Variants in CCBE1 observed in about 807,000 individuals in gnomAD.
CCBE1 encodes collagen and calcium-binding EGF domain-containing protein 1.
CCBE1 carries 37 observed loss-of-function variants against 50.0 expected under a neutral mutation model. The ratio of observed to expected loss-of-function variants is 0.74; its 90% confidence interval spans 0.57 to 0.97. The LOEUF (loss-of-function observed/expected upper bound fraction) is 0.97, where lower values mean the gene tolerates loss of function less well. CCBE1 is among the 50% of genes least tolerant of loss of function. The pLI, the probability that CCBE1 is intolerant of heterozygous loss-of-function variation, is 0.00. For synonymous variants in CCBE1, 234 were observed against 203.7 expected (o/e 1.15, Z -1.27); for missense variants, 538 against 523.8 (o/e 1.03, Z -0.26).
chr18:59,625,945 C>A (rs185273506), intron 2 of CCBE1, among the ~76,000 whole-genome samples: 1 of 152,130 alleles, frequency 6.6e-6, no homozygotes, highest in East Asian at 1.9e-4. Flanking sequence ...TCTTGGGATT[C>A]CCGGGCTCCA....
At chr18:59,572,919 C>T (rs1036727733) in intron 2 of CCBE1, among the ~76,000 whole-genome samples, 16 of 152,162 alleles carry the variant, frequency 1.1e-4, no homozygotes, top group African/African-American at 3.9e-4. Context: ...CTAGGTGTTG[C>T]TGTAAAGATA....
intron 2 of CCBE1, among the ~76,000 whole-genome samples, chr18:59,523,997 G>T (rs938668880): frequency 1.3e-5 from 2 of 152,128 alleles, no homozygotes; most frequent in Non-Finnish European, 2.9e-5. Context: ...CTCCTTTACC[G>T]AAACAAGCCT....
At position 59,633,531 on chromosome 18, in the gene CCBE1, A is replaced by G. The variant is rs192189790; in HGVS notation, c.212+63098T>C. Reference sequence around the variant, plus strand: ...CGAGAACAGAACATGGCCTTCCTCTATCATCATCTGTACATTTCATTAAGC... The same window carrying G: ...CGAGAACAGAACATGGCCTTCCTCTGTCATCATCTGTACATTTCATTAAGC... On this transcript the variant is annotated intron_variant, in intron 2 of 10. Transcript: ENST00000439986. Among the ~76,000 whole-genome samples the G allele has an allele frequency of 2.0e-5, 3 of 152,278 alleles. No homozygotes were observed. In the East Asian group the frequency reaches 5.8e-4, roughly 29 times the overall value.
At chr18:59,641,721 G>A (rs747934093) in intron 2 of CCBE1, among the ~76,000 whole-genome samples, 142 of 152,268 alleles carry the variant, frequency 9.3e-4, no homozygotes, top group Non-Finnish European at 1.7e-3. Context: ...TATTGGTAAG[G>A]AAATAGACAA....
At chr18:59,618,116 T>C (rs2053661346) in intron 2 of CCBE1, among the ~76,000 whole-genome samples, 1 of 152,166 alleles carries the variant, frequency 6.6e-6, no homozygotes, top group Non-Finnish European at 1.5e-5. Flanking sequence ...GGATTAACGT[T>C]CTATGTTAAT....
At position 59,688,226 on chromosome 18, in the gene CCBE1, C is replaced by T. The variant is rs376167086; in HGVS notation, c.212+8403G>A. ...GTGGCTCATGCCTATAATCCCAACA[C>T]TTTAGGAGGCTGAGGAGTTCAAGAC... is the stretch of plus-strand genomic sequence containing the variant. On this transcript the variant is annotated intron_variant, in intron 2 of 10. Transcript: ENST00000439986. 4 of 152,050 alleles carry T rather than the reference C, an allele frequency of 2.6e-5. No individual in the cohort carries two copies. In the East Asian group the frequency reaches 7.8e-4, roughly 30 times the overall value. 9.4% of individuals were successfully genotyped at this position (152,050 alleles called of 1,614,324 possible).
At chr18:59,483,481 G>T (rs1361553720) in intron 2 of CCBE1, among the ~76,000 whole-genome samples, 1 of 152,138 alleles carries the variant, frequency 6.6e-6, no homozygotes, top group Non-Finnish European at 1.5e-5. Flanking sequence ...TTGGATTAGG[G>T]ATGCTCAACC....
At chr18:59,473,324 G>T (rs1332900217) in intron 3 of CCBE1, among the ~76,000 whole-genome samples, 1 of 152,138 alleles carries the variant, frequency 6.6e-6, no homozygotes, top group Non-Finnish European at 1.5e-5. Context: ...CAATGCTGCT[G>T]CAGGGAAGTC....
intron 2 of CCBE1, among the ~76,000 whole-genome samples, chr18:59,516,560 G>T (rs1312114538): frequency 6.6e-6 from 1 of 152,164 alleles, no homozygotes; most frequent in African/African-American, 2.4e-5. Flanking sequence ...TGCTGAAAAG[G>T]AAAGTCCAGG....
rs1910247126 is a variant in CCBE1 at position 59,438,171 on chromosome 18, G to A, written c.952-25C>T. On this transcript the variant is annotated intron_variant, in intron 9 of 10. Coordinates refer to ENST00000439986, the MANE Select transcript of CCBE1 (RefSeq NM_133459.4). ...CCTAAAAACAGAAAGGCCAGGGTTA[G>A]CTTTCTAGAGCACATGGATATCACA... The A allele has an allele frequency of 3.1e-6, 5 of 1,612,048 alleles. No individual in the cohort carries two copies. The Admixed American group carries it at 8.3e-5, about 27-fold the overall frequency.
intron 2 of CCBE1, among the ~76,000 whole-genome samples, chr18:59,657,446 A>G (rs1164814569): frequency 6.6e-6 from 1 of 152,258 alleles, no homozygotes; most frequent in Admixed American, 6.5e-5. Flanking sequence ...GCAGGGCCCT[A>G]TGCAGTTTTC....
chr18:59,660,650 G>C (rs1290913758), intron 2 of CCBE1, among the ~76,000 whole-genome samples: 4 of 151,600 alleles, frequency 2.6e-5, no homozygotes, highest in Non-Finnish European at 5.9e-5. Context: ...CCTGATAGAG[G>C]GATTTATAGA....
chr18:59,655,119 C>T (rs1260258283), intron 2 of CCBE1, among the ~76,000 whole-genome samples: 1 of 150,292 alleles, frequency 6.7e-6, no homozygotes, highest in Non-Finnish European at 1.5e-5. Context: ...AAAACCTCAA[C>T]AGCCATGACC....
rs138689751 is a variant in CCBE1 at position 59,524,367 on chromosome 18, T to C, written c.213-44129A>G. Among the ~76,000 whole-genome samples the C allele has an allele frequency of 1.6e-4, 24 of 152,236 alleles. No homozygotes were observed. The East Asian group carries it at 4.4e-3, about 28-fold the overall frequency. On this transcript the variant is annotated intron_variant, in intron 2 of 10. Transcript: ENST00000439986. The stretch of plus-strand genomic sequence containing the variant: ...AAAAACCCTATTATTCAAAAGACTA[T>C]TTATATTTATTTTGCACTTTGTTTT...
chr18:59,678,066 C>T (rs551897291), intron 2 of CCBE1, among the ~76,000 whole-genome samples: 3 of 152,222 alleles, frequency 2.0e-5, no homozygotes, highest in South Asian at 2.1e-4. Context: ...GGGAAGTAAG[C>T]GTGTGCGATG....
intron 2 of CCBE1, among the ~76,000 whole-genome samples, chr18:59,613,863 G>GTTTTTTTTTTTTTTTTTTTT (rs34847608): frequency 1.0e-5 from 1 of 98,448 alleles, no homozygotes; most frequent in African/African-American, 3.7e-5. Flanking sequence ...TCTCTGATGG[G>GTTTTTTTTTTTTTTTTTTTT]TTTTTTTTTT....
chr18:59,595,142 C>T (rs938868194), intron 2 of CCBE1, among the ~76,000 whole-genome samples: 14 of 144,760 alleles, frequency 9.7e-5, no homozygotes, highest in Non-Finnish European at 1.9e-4. Flanking sequence ...AATCCATTCT[C>T]TAAGGTGGGT....
At chr18:59,536,788 G>C (rs1055228665) in intron 2 of CCBE1, among the ~76,000 whole-genome samples, 3 of 152,106 alleles carry the variant, frequency 2.0e-5, no homozygotes, top group African/African-American at 7.2e-5. Flanking sequence ...AGGAGATGGA[G>C]ACCATCCTGG....
intron 2 of CCBE1, among the ~76,000 whole-genome samples, chr18:59,600,369 C>T (rs375735277): frequency 1.3e-5 from 2 of 151,970 alleles, no homozygotes; most frequent in South Asian, 2.1e-4. Flanking sequence ...AAAACAAGCT[C>T]AGGGCTTCCA....
Sources: gnomAD v4.1 joint callset for allele counts (sites outside exome capture counted in the v4.1 genomes callset) on GRCh38, gnomAD v4.1.1 for gene constraint, MANE v1.5 for transcripts, NCBI Gene and HGNC (gene_info 2026-07-23, HGNC 2026-07-21) for gene names.